CD5: variants seen among roughly 807,000 people sequenced by gnomAD.
The protein encoded by CD5 is T-cell surface glycoprotein CD5.
A neutral mutation model predicts 60.3 loss-of-function variants in CD5; 36 were observed. The observed-to-expected ratio is 0.60, with a 90% CI of 0.46 to 0.79. CD5 has a LOEUF of 0.79. CD5 is among the 30% of genes least tolerant of loss of function. The pLI, the probability that CD5 is intolerant of heterozygous loss-of-function variation, is 0.00. For synonymous variants in CD5, 230 were observed against 257.6 expected (o/e 0.89, Z 1.03); for missense variants, 540 against 630.6 (o/e 0.86, Z 1.54).
intron 2 of CD5, among the ~76,000 whole-genome samples, chr11:61,117,704 G>A (rs914707660): frequency 6.6e-6 from 1 of 152,016 alleles, no homozygotes; most frequent in Non-Finnish European, 1.5e-5. Context: ...TCACCATGTT[G>A]GCCAGGCTGG....
chr11:61,125,081 C>A lies in CD5; in HGVS notation c.1329C>A (p.Asn443Lys), dbSNP rs1257566223. ...CAACCGTCCGATCCCATGCTGAGAA[C>A]CCCACAGCCTCCCACGTGGATAACG... The part of the protein sequence containing the change: ...HTATVRSHAE[N>K]PTASHVDNEY... The change falls in exon 9 of 11, where the codon AAC (asparagine) becomes AAA (lysine). Residue 443 changes from asparagine (N) to lysine (K), a missense_variant. Physicochemically the swap from Asn to Lys is moderately conservative, Grantham distance 94. Transcript: ENST00000347785. The A allele has an allele frequency of 6.2e-7, 1 of 1,613,956 alleles. No homozygotes were observed. The highest frequency in any genetic ancestry group is 8.5e-7 in the Non-Finnish European group (1 of 1,179,824).
chr11:61,123,844 C>T, intron 7 of CD5, 40 bp from the exon 8 acceptor site: 7 of 1,344,654 alleles, frequency 5.2e-6, no homozygotes, highest in Middle Eastern at 1.9e-4. Flanking sequence ...CCCATACCTG[C>T]CCCCACCACT....
upstream of CD5, among the ~76,000 whole-genome samples, chr11:61,100,581 A>ACATT (rs1860657562): frequency 8.0e-6 from 1 of 125,312 alleles, no homozygotes; most frequent in Non-Finnish European, 1.7e-5. Flanking sequence ...CATGGAGATC[A>ACATT]CACACACATC....
At chr11:61,116,789 C>T (rs539459000) in intron 2 of CD5, among the ~76,000 whole-genome samples, 1 of 146,716 alleles carries the variant, frequency 6.8e-6, no homozygotes, top group Non-Finnish European at 1.5e-5. Flanking sequence ...CACACACACA[C>T]ACCACCTGCA....
At chr11:61,098,090 C>T (rs994629597), upstream of CD5, among the ~76,000 whole-genome samples, 1 of 152,100 alleles carries the variant, frequency 6.6e-6, no homozygotes, top group African/African-American at 2.4e-5. Context: ...CACATGTGCC[C>T]GTGCAAGTGT....
intron 5 of CD5, 25 bp from the exon 6 acceptor site, chr11:61,121,586 C>T (rs1861059477): frequency 6.9e-7 from 1 of 1,443,554 alleles, no homozygotes; most frequent in Non-Finnish European, 9.1e-7. Context: ...CTTGCACCCT[C>T]CTTTCCCATT....
At chr11:61,102,981 C>G (rs1364363790) in intron 1 of CD5, among the ~76,000 whole-genome samples, 1 of 152,222 alleles carries the variant, frequency 6.6e-6, no homozygotes, top group Non-Finnish European at 1.5e-5. Context: ...GCGAGGTCCC[C>G]CACTGACAGC....
At chr11:61,125,263 C>A in intron 9 of CD5, 112 bp downstream of exon 9, 1 of 1,202,150 alleles carries the variant, frequency 8.3e-7, no homozygotes, top group Non-Finnish European at 1.2e-6. Flanking sequence ...AGAATGGAGA[C>A]CCCAGGGTGC....
At chr11:61,114,393 GT>G (rs1375322985) in intron 1 of CD5, among the ~76,000 whole-genome samples, 2 of 152,164 alleles carry the variant, frequency 1.3e-5, no homozygotes, top group Non-Finnish European at 2.9e-5. Context: ...GAGCCCAGGA[GT>G]TCAAAACCAG....
chr11:61,108,229 T>C (rs1256063942), intron 1 of CD5, among the ~76,000 whole-genome samples: 2 of 152,122 alleles, frequency 1.3e-5, no homozygotes, highest in African/African-American at 2.4e-5. Flanking sequence ...AGAGACACCG[T>C]ATATGGTGCG....
chr11:61,103,675 G>GAACTGTTGGGGGGTAATGTGTGAC (rs1490068273), intron 1 of CD5, among the ~76,000 whole-genome samples: 5 of 141,250 alleles, frequency 3.5e-5, no homozygotes, highest in African/African-American at 1.5e-4. Flanking sequence ...CTGTGTGTGA[G>GAACTGTTGGGGGGTAATGTGTGAC]TCTGTGTGTG....
upstream of CD5, chr11:61,102,463 A>ACCCCC: frequency 4.1e-6 from 1 of 246,428 alleles, no homozygotes; most frequent in Non-Finnish European, 8.0e-6. Context: ...TGAGCACGCC[A>ACCCCC]CCCCGCCCTC....
chr11:61,119,104 G>A, intron 4 of CD5, 127 bp downstream of exon 4: 1 of 1,171,124 alleles, frequency 8.5e-7, no homozygotes. Flanking sequence ...CGCAATATTT[G>A]GGACCCCATC....
At chr11:61,111,337 C>T (rs988723979) in intron 1 of CD5, among the ~76,000 whole-genome samples, 7 of 152,162 alleles carry the variant, frequency 4.6e-5, no homozygotes, top group African/African-American at 9.7e-5. Flanking sequence ...CCATATTACC[C>T]GGGACAGGGC....
chr11:61,116,457 CCACA>C (rs1190327267), intron 2 of CD5, among the ~76,000 whole-genome samples: 1 of 138,604 alleles, frequency 7.2e-6, no homozygotes, highest in Non-Finnish European at 1.6e-5. Context: ...ACCACAAACA[CCACA>C]CACACACCGC....
intron 6 of CD5, among the ~76,000 whole-genome samples, chr11:61,122,520 C>T (rs980621041): frequency 1.3e-5 from 2 of 151,260 alleles, no homozygotes; most frequent in African/African-American, 4.9e-5. Context: ...GACAGAAGGG[C>T]GGATGGACAG....
Position 61,114,744 on chromosome 11 carries a change from ATGG to A in CD5, c.56-307_56-305del, listed in dbSNP as rs1480672053. Among the ~76,000 whole-genome samples, 5 of 152,306 alleles carry A rather than the reference ATGG, an allele frequency of 3.3e-5. No individual in the cohort carries two copies. In the East Asian group the frequency reaches 9.6e-4, roughly 29 times the overall value. On this transcript the variant is annotated intron_variant, in intron 1 of 10. Coordinates refer to ENST00000347785, the MANE Select transcript of CD5 (RefSeq NM_014207.4). The stretch of plus-strand genomic sequence containing the variant: ...GGAACTGGTGTATACCTTGATTGTG[ATGG>A]TGGTCACACACATCTATATATGTGA...
intron 7 of CD5, among the ~76,000 whole-genome samples, chr11:61,123,656 C>T (rs1861101818): frequency 6.6e-6 from 1 of 152,152 alleles, no homozygotes; most frequent in African/African-American, 2.4e-5. Context: ...ACCTCTACAC[C>T]ATCCTCGGCC....
At position 61,123,028 on chromosome 11, in the gene CD5, G is replaced by C. The variant is rs117045863; in HGVS notation, c.1221G>C (p.Lys407Asn). Residue 407 changes from lysine (K) to asparagine (N), a missense_variant, in exon 7 of 11, where the codon AAG becomes AAC. Lys to Asn is a moderately conservative substitution (Grantham distance 94, BLOSUM62 0). Coordinates refer to ENST00000347785, the MANE Select transcript of CD5 (RefSeq NM_014207.4). ...CGPLAYKKLV[K>N]KFRQKKQRQW... is the part of the protein sequence containing the mutation. Reference sequence around the variant, plus strand: ...CCCTTGCCTACAAGAAGCTAGTGAAGAAATGTAGGTGTCACGGCCCTGAGT... The same window carrying C: ...CCCTTGCCTACAAGAAGCTAGTGAACAAATGTAGGTGTCACGGCCCTGAGT... 4,478 of 1,611,522 alleles carry C rather than the reference G, an allele frequency of 2.8e-3. 9 individuals are homozygous for C. The highest frequency in any genetic ancestry group is 4.0e-3 in the Middle Eastern group (24 of 6,056).
Sources: gnomAD v4.1 joint callset for allele counts (sites outside exome capture counted in the v4.1 genomes callset) on GRCh38, gnomAD v4.1.1 for gene constraint, MANE v1.5 for transcripts, NCBI Gene and HGNC (gene_info 2026-07-23, HGNC 2026-07-21) for gene names.